INSL6: variants seen among roughly 807,000 people sequenced by gnomAD.
INSL6 encodes insulin-like peptide INSL6.
Under a neutral mutation model 9.4 loss-of-function variants are expected in INSL6, and 16 were observed. The ratio of observed to expected loss-of-function variants is 1.70; its 90% CI spans 1.15 to 2.59. The LOEUF (loss-of-function observed/expected upper bound fraction) is 2.59. INSL6 is among the 30% of genes most tolerant of loss of function. INSL6 has a pLI of 0.00. For synonymous variants in INSL6, 154 were observed against 96.9 expected, an observed-to-expected ratio of 1.59 and a Z score of -3.46; for missense variants, 391 against 257.3, an observed-to-expected ratio of 1.52 and a Z score of -3.56.
chr9:5,123,196 C>A, downstream of INSL6: 1 of 986,362 alleles, frequency 1.0e-6, no homozygotes, highest in Non-Finnish European at 1.6e-6. Context: ...GGTACAAGTA[C>A]AATTTTGCTA....
the INSL6 span, among the ~76,000 whole-genome samples, chr9:5,045,903 C>G: frequency 6.6e-6 from 1 of 151,938 alleles, no homozygotes; most frequent in Non-Finnish European, 1.5e-5. Flanking sequence ...CAATATATAC[C>G]CAGAAATGGA....
At chr9:5,007,964 A>C in the INSL6 span, among the ~76,000 whole-genome samples, 1 of 152,070 alleles carries the variant, frequency 6.6e-6, no homozygotes, top group South Asian at 2.1e-4. Context: ...CCTGACCTCA[A>C]ATGATCCCCC....
chr9:5,066,643 A>G, the INSL6 span: 2 of 1,110,972 alleles, frequency 1.8e-6, no homozygotes, highest in Non-Finnish European at 2.8e-6. Context: ...ATGGTGCTTG[A>G]TATATTATTC....
At chr9:5,105,167 C>G in the INSL6 span, among the ~76,000 whole-genome samples, 1 of 152,234 alleles carries the variant, frequency 6.6e-6, no homozygotes, top group Non-Finnish European at 1.5e-5. Context: ...ACTTGGTCAT[C>G]TCAGCCCCAA....
the INSL6 span, among the ~76,000 whole-genome samples, chr9:5,006,336 A>AT: frequency 1.3e-5 from 2 of 152,238 alleles, no homozygotes; most frequent in African/African-American, 4.8e-5. Context: ...TTGTACATTG[A>AT]TTTTGTATGC....
chr9:5,068,833 G>C, the INSL6 span, among the ~76,000 whole-genome samples: 19 of 152,120 alleles, frequency 1.2e-4, no homozygotes, highest in Middle Eastern at 3.2e-3. Context: ...AACCACTTTT[G>C]TAGGCTGAGA....
intron 1 of INSL6, among the ~76,000 whole-genome samples, chr9:5,176,594 A>G (rs1825313609): frequency 6.6e-6 from 1 of 152,226 alleles, no homozygotes; most frequent in African/African-American, 2.4e-5. Context: ...TGATTAAAAA[A>G]AAATCTCTTA....
At chr9:5,004,756 A>G in the INSL6 span, among the ~76,000 whole-genome samples, 1 of 151,986 alleles carries the variant, frequency 6.6e-6, no homozygotes, top group Admixed American at 6.6e-5. Context: ...AGAGTATACA[A>G]GAGTTTCTTT....
At chr9:5,041,143 GCT>G in the INSL6 span, 1 of 1,077,286 alleles carries the variant, frequency 9.3e-7, no homozygotes, top group East Asian at 2.4e-5. Flanking sequence ...TCGCCATCCG[GCT>G]GATCACGCGC....
At chr9:5,024,357 G>C in the INSL6 span, among the ~76,000 whole-genome samples, 1 of 151,848 alleles carries the variant, frequency 6.6e-6, no homozygotes, top group Non-Finnish European at 1.5e-5. Flanking sequence ...GAATTCCTAG[G>C]GCCAAAAGAA....
chr9:5,039,743 A>T, the INSL6 span, among the ~76,000 whole-genome samples: 5 of 152,164 alleles, frequency 3.3e-5, no homozygotes, highest in African/African-American at 9.6e-5. Context: ...CAATAGCATA[A>T]CAAATTTTTA....
At chr9:5,145,104 TCTTTC>T (rs1564039712) in intron 2 of INSL6, among the ~76,000 whole-genome samples, 1 of 152,202 alleles carries the variant, frequency 6.6e-6, no homozygotes, top group Non-Finnish European at 1.5e-5. Context: ...TTGGTACTGG[TCTTTC>T]CTTTCCATAT....
the INSL6 span, among the ~76,000 whole-genome samples, chr9:5,082,382 A>G: frequency 1.3e-5 from 2 of 152,210 alleles, no homozygotes; most frequent in African/African-American, 4.8e-5. Context: ...GCTTCTCTCC[A>G]CCCAAACATC....
chr9:5,055,310 C>T, the INSL6 span, among the ~76,000 whole-genome samples: 18 of 151,868 alleles, frequency 1.2e-4, no homozygotes, highest in African/African-American at 3.6e-4. Flanking sequence ...TGTTAATATC[C>T]GTGTTGTTCA....
the INSL6 span, among the ~76,000 whole-genome samples, chr9:5,113,257 C>T: frequency 1.6e-5 from 2 of 126,076 alleles, no homozygotes; most frequent in African/African-American, 3.1e-5. Context: ...ACAAAACATA[C>T]ACTTTGTCAG....
chr9:5,117,899 T>C, the INSL6 span, among the ~76,000 whole-genome samples: 1 of 152,328 alleles, frequency 6.6e-6, no homozygotes, highest in African/African-American at 2.4e-5. Context: ...TCTAGGCCAC[T>C]GGTTTTCAAA....
the INSL6 span, among the ~76,000 whole-genome samples, chr9:5,030,090 G>A: frequency 6.6e-6 from 1 of 152,166 alleles, no homozygotes; most frequent in Non-Finnish European, 1.5e-5. Flanking sequence ...TACATGTTGT[G>A]TAAGTAGAAT....
chr9:5,117,080 G>A, the INSL6 span, among the ~76,000 whole-genome samples: 1 of 152,148 alleles, frequency 6.6e-6, no homozygotes, highest in Non-Finnish European at 1.5e-5. Context: ...TGAGGACACG[G>A]CATTCCTCTC....
chr9:5,096,342 A>C, the INSL6 span, among the ~76,000 whole-genome samples: 1 of 152,200 alleles, frequency 6.6e-6, no homozygotes, highest in Non-Finnish European at 1.5e-5. Flanking sequence ...AACAAACCCA[A>C]GGACTGCAAA....
Sources: gnomAD v4.1 joint callset for allele counts (sites outside exome capture counted in the v4.1 genomes callset) on GRCh38, gnomAD v4.1.1 for gene constraint, MANE v1.5 for transcripts, NCBI Gene and HGNC (gene_info 2026-07-23, HGNC 2026-07-21) for gene names.